The following MECOM variants were observed in gnomAD, a reference collection of about 807,000 sequenced individuals.
MECOM encodes the protein histone-lysine N-methyltransferase MECOM.
A neutral mutation model predicts 116.3 loss-of-function variants in MECOM; 13 were observed. That is an observed-to-expected ratio of 0.11 (90% CI 0.07 to 0.18). The LOEUF (loss-of-function observed/expected upper bound fraction) is 0.18. Among genes scored for constraint, MECOM ranks in the 10% least tolerant of loss-of-function variants. MECOM has a pLI of 1.00. For missense variants in MECOM, 1,299 were observed against 1,509.0 expected (o/e 0.86, Z 2.31); for synonymous variants, 528 against 535.2 (o/e 0.99, Z 0.19).
intron 2 of MECOM, among the ~76,000 whole-genome samples, chr3:169,366,193 G>A (rs1301778001): frequency 6.6e-6 from 1 of 151,866 alleles, no homozygotes. Context: ...TCCCAGGGTT[G>A]GTGACTTCCT....
chr3:169,143,551 C>A (rs549596551), intron 3 of MECOM, 147 bp downstream of exon 3: 3 of 682,506 alleles, frequency 4.4e-6, no homozygotes, highest in East Asian at 6.5e-5. Context: ...ATTTGTTCTG[C>A]ATTTTACTTA....
At chr3:169,550,344 A>G (rs1376775485) in intron 1 of MECOM, among the ~76,000 whole-genome samples, 2 of 152,188 alleles carry the variant, frequency 1.3e-5, no homozygotes, top group African/African-American at 4.8e-5. Flanking sequence ...CCACAAATAC[A>G]TTTGCCTAAT....
chr3:169,545,158 TTTG>T (rs1760571734), intron 1 of MECOM, among the ~76,000 whole-genome samples: 1 of 152,204 alleles, frequency 6.6e-6, no homozygotes. Context: ...GCTAAATGTT[TTTG>T]TTGTTTGGGC....
intron 9 of MECOM, 121 bp from the exon 10 acceptor site, chr3:169,108,073 G>C (rs1431206234): frequency 7.5e-6 from 5 of 667,406 alleles, no homozygotes; most frequent in Non-Finnish European, 1.3e-5. Context: ...TCATGTAACT[G>C]TACCTTGAGT....
At chr3:169,240,958 T>A (rs1310270434) in intron 2 of MECOM, among the ~76,000 whole-genome samples, 2 of 152,142 alleles carry the variant, frequency 1.3e-5, no homozygotes, top group Admixed American at 1.3e-4. Context: ...CCTGGATTAT[T>A]TCAGCCACCA....
At chr3:169,604,823 G>T (rs1394470520) in intron 1 of MECOM, among the ~76,000 whole-genome samples, 1 of 152,168 alleles carries the variant, frequency 6.6e-6, no homozygotes, top group Non-Finnish European at 1.5e-5. Flanking sequence ...CTAAAAGTGG[G>T]CACATGACAA....
intron 2 of MECOM, among the ~76,000 whole-genome samples, chr3:169,178,751 A>G (rs376274263): frequency 4.6e-4 from 70 of 152,328 alleles, no homozygotes; most frequent in African/African-American, 1.6e-3. Flanking sequence ...AAATCCTAGG[A>G]TATGTTACGC....
intron 2 of MECOM, among the ~76,000 whole-genome samples, chr3:169,250,953 T>C (rs1446257110): frequency 6.6e-6 from 1 of 152,194 alleles, no homozygotes; most frequent in Non-Finnish European, 1.5e-5. Flanking sequence ...TCTACGATAA[T>C]TTTGGTAAAT....
At chr3:169,268,400 G>C (rs913399702) in intron 2 of MECOM, among the ~76,000 whole-genome samples, 1 of 152,162 alleles carries the variant, frequency 6.6e-6, no homozygotes. Context: ...CTTTTCTCAA[G>C]TGGGTATGCA....
intron 2 of MECOM, among the ~76,000 whole-genome samples, chr3:169,360,691 A>T (rs74846511): frequency 6.6e-6 from 1 of 151,804 alleles, no homozygotes; most frequent in Non-Finnish European, 1.5e-5. Flanking sequence ...AGGGGGGAAA[A>T]AAAAGCAAAT....
At chr3:169,324,676 G>A (rs574115841) in intron 2 of MECOM, among the ~76,000 whole-genome samples, 1 of 152,208 alleles carries the variant, frequency 6.6e-6, no homozygotes, top group Non-Finnish European at 1.5e-5. Flanking sequence ...ACTGTCTTCC[G>A]TGTCACCTTA....
chr3:169,244,003 C>A (rs1402627610), intron 2 of MECOM, among the ~76,000 whole-genome samples: 2 of 152,158 alleles, frequency 1.3e-5, no homozygotes, highest in Non-Finnish European at 2.9e-5. Flanking sequence ...TGCAAACCTG[C>A]CTTCATTATG....
At chr3:169,324,755 T>C (rs1263710988) in intron 2 of MECOM, among the ~76,000 whole-genome samples, 1 of 152,198 alleles carries the variant, frequency 6.6e-6, no homozygotes, top group Non-Finnish European at 1.5e-5. Context: ...AGGAAGAGAC[T>C]GAGGACAGTG....
chr3:169,246,592 G>A (rs1577457350), intron 2 of MECOM, among the ~76,000 whole-genome samples: 1 of 145,892 alleles, frequency 6.9e-6, no homozygotes, highest in Non-Finnish European at 1.5e-5. Context: ...GCGGTGGCAC[G>A]ATCTCAGCTC....
At chr3:169,310,990 A>C (rs1251917886) in intron 2 of MECOM, among the ~76,000 whole-genome samples, 1 of 152,250 alleles carries the variant, frequency 6.6e-6, no homozygotes, top group Non-Finnish European at 1.5e-5. Context: ...TCTGATTAAG[A>C]AGATACAGTA....
intron 1 of MECOM, among the ~76,000 whole-genome samples, chr3:169,643,948 C>T (rs745514051): frequency 3.9e-5 from 6 of 152,182 alleles, no homozygotes; most frequent in Non-Finnish European, 8.8e-5. Flanking sequence ...AGTCTAGCAG[C>T]TAAGAAATAG....
At position 169,196,156 on chromosome 3, in the gene MECOM, G is replaced by A. The variant is rs561654404; in HGVS notation, c.376-52324C>T. 3.9e-5 allele frequency among the ~76,000 whole-genome samples: 6 copies of A among 152,054 alleles called. No individual in the cohort carries two copies. The East Asian group carries it at 9.7e-4, about 25-fold the overall frequency. ...TGATTATATGAGATAGCTTATCAGC[G>A]TGTGCATTCTTTTCTAAAGGAAACA... On this transcript the variant is annotated intron_variant, in intron 2 of 16. Transcript: ENST00000651503.
intron 2 of MECOM, among the ~76,000 whole-genome samples, chr3:169,266,378 T>G (rs1403270609): frequency 1.3e-5 from 2 of 152,234 alleles, no homozygotes. Context: ...TAACATGGGT[T>G]GCAATTTCAA....
intron 1 of MECOM, among the ~76,000 whole-genome samples, chr3:169,433,639 GAGAA>G (rs748166969): frequency 0.078 from 9,860 of 126,944 alleles, 368 homozygotes; most frequent in African/African-American, 0.088. Flanking sequence ...GAAAGAGAAA[GAGAA>G]AGAAAGAAAG....
Sources: gnomAD v4.1 joint callset for allele counts (sites outside exome capture counted in the v4.1 genomes callset) on GRCh38, gnomAD v4.1.1 for gene constraint, MANE v1.5 for transcripts, NCBI Gene and HGNC (gene_info 2026-07-23, HGNC 2026-07-21) for gene names.